The following KIF3B variants were observed in gnomAD, a reference collection of about 807,000 sequenced individuals.
KIF3B encodes the protein kinesin-like protein KIF3B.
Under a neutral mutation model 74.3 loss-of-function variants are expected in KIF3B, and 38 were observed. That is an observed-to-expected ratio of 0.51 (90% confidence interval 0.39 to 0.67). KIF3B has a LOEUF of 0.67. Ranked by LOEUF, KIF3B falls within the 30% of genes least tolerant of loss-of-function variation. The probability of loss-of-function intolerance (pLI) is 0.00; values close to 1 mark genes in which losing one functional copy is unlikely to be tolerated. For synonymous variants in KIF3B, 326 were observed against 342.5 expected (o/e 0.95, Z 0.53); for missense variants, 649 against 932.0 (o/e 0.70, Z 3.95).
chr20:32,294,774 A>G (rs138667384), intron 1 of KIF3B, among the ~76,000 whole-genome samples: 106 of 152,316 alleles, frequency 7.0e-4, no homozygotes, highest in African/African-American at 2.6e-3. Flanking sequence ...GCTTTTAACA[A>G]TGTCTTTACT....
chr20:32,284,147 C>T, intron 1 of KIF3B, among the ~76,000 whole-genome samples: 1 of 151,956 alleles, frequency 6.6e-6, no homozygotes, highest in Non-Finnish European at 1.5e-5. Context: ...TGCTATGTTA[C>T]AGGCTAGTCT....
At chr20:32,300,304 GTCTC>G (rs1464234872) in intron 1 of KIF3B, among the ~76,000 whole-genome samples, 2 of 151,726 alleles carry the variant, frequency 1.3e-5, no homozygotes, top group Non-Finnish European at 2.9e-5. Flanking sequence ...TTGAGACAGA[GTCTC>G]TCTCTGTCGC....
Position 32,322,664 on chromosome 20 carries a change from A to ATATATT in KIF3B, c.1749-4102_1749-4101insTTATAT, listed in dbSNP as rs2047868102. Among the ~76,000 whole-genome samples the ATATATT allele has an allele frequency of 3.4e-5, 2 of 58,096 alleles. 1 individual carries two copies. Among genetic ancestry groups the ATATATT allele is most frequent in the East Asian group, 7.0e-3 (2 of 284 alleles). The allele number at this position is 58,096 out of a possible 152,430, so 38.1% of individuals were successfully genotyped here. A position where few individuals can be genotyped will look rare whatever the true frequency, so the allele number is the denominator to read the frequency against. Reference sequence around the variant, plus strand: ...TATATATATATTTTTATATATTTATATATATATTTATATATTTATATATAT... The same window carrying ATATATT: ...TATATATATATTTTTATATATTTATATATATTTATATATTTATATATTTATATATAT... On this transcript the variant is annotated intron_variant, in intron 5 of 8. Transcript: ENST00000375712.
At chr20:32,319,072 C>G (rs1227579962) in intron 5 of KIF3B, among the ~76,000 whole-genome samples, 1 of 151,690 alleles carries the variant, frequency 6.6e-6, no homozygotes, top group Non-Finnish European at 1.5e-5. Context: ...GCGATCCTCC[C>G]ACCTCAACCT....
chr20:32,279,498 T>A (rs1473826130), intron 1 of KIF3B, among the ~76,000 whole-genome samples: 7 of 150,058 alleles, frequency 4.7e-5, no homozygotes, highest in African/African-American at 1.7e-4. Flanking sequence ...GGAGTTTTGC[T>A]GTTGTTGCCC....
chr20:32,291,401 T>G (rs2122662283), intron 1 of KIF3B, among the ~76,000 whole-genome samples: 1 of 152,228 alleles, frequency 6.6e-6, no homozygotes. Flanking sequence ...CTCCAGCAGT[T>G]CTCAGCACTT....
In KIF3B at chr20:32,331,468, T is replaced by C. The variant is rs1183302121; in HGVS notation, c.*149T>C. On this transcript the variant is annotated 3_prime_UTR_variant, in exon 9 of 9. Transcript: ENST00000375712. ...TCTTTGCAGATCAACCAACTTAATC[T>C]GGTTGAACGTGCTGTTCCTAATCTG... is the stretch of plus-strand genomic sequence containing the variant. 4.9e-6 allele frequency: 3 copies of C among 607,676 alleles called. No individual in the cohort carries two copies. The African/African-American group carries it at 5.6e-5, about 11-fold the overall frequency. 37.6% of individuals were successfully genotyped at this position (607,676 alleles called of 1,614,324 possible).
At chr20:32,330,464 T>A in intron 8 of KIF3B, 145 bp downstream of exon 8, 2 of 717,848 alleles carry the variant, frequency 2.8e-6, no homozygotes, top group Non-Finnish European at 4.5e-6. Context: ...TTATTTATTC[T>A]ACAAATATTT....
chr20:32,294,648 T>G (rs1270561684), intron 1 of KIF3B, among the ~76,000 whole-genome samples: 1 of 152,240 alleles, frequency 6.6e-6, no homozygotes, highest in Non-Finnish European at 1.5e-5. Flanking sequence ...AGGGAGATAT[T>G]GCTATTAACC....
chr20:32,299,401 ATATTTTTTT>A (rs1359088785), intron 1 of KIF3B, among the ~76,000 whole-genome samples: 2 of 28,908 alleles, frequency 6.9e-5, no homozygotes, highest in African/African-American at 2.8e-4. Flanking sequence ...ATATATATAT[ATATTTTTTT>A]TTTTTTTTTT....
At chr20:32,302,987 GA>G (rs1468267544) in intron 1 of KIF3B, among the ~76,000 whole-genome samples, 1 of 152,126 alleles carries the variant, frequency 6.6e-6, no homozygotes, top group African/African-American at 2.4e-5. Flanking sequence ...AACATTATGA[GA>G]TTTTTTTTGC....
chr20:32,328,847 C>T (rs1347491390), intron 7 of KIF3B, among the ~76,000 whole-genome samples: 1 of 151,822 alleles, frequency 6.6e-6, no homozygotes, highest in African/African-American at 2.4e-5. Context: ...ATTTAATGAC[C>T]CCAAAATAGA....
At chr20:32,297,274 C>T (rs948040000) in intron 1 of KIF3B, among the ~76,000 whole-genome samples, 26 of 152,230 alleles carry the variant, frequency 1.7e-4, no homozygotes, top group African/African-American at 6.3e-4. Context: ...CGTTAGTATG[C>T]ACTCTGTGTG....
At position 32,316,767 on chromosome 20, in the gene KIF3B, G is replaced by A; in HGVS notation, c.1641G>A (p.Lys547=). The change falls in exon 5 of 9, where the codon AAG becomes AAA. Residue 547 remains lysine (K), a synonymous_variant. Transcript: ENST00000375712. Reference sequence around the variant, plus strand: ...TCCCCTCATTCCAGCTCTTCTCCAAGCTTCAGGCAGTGAAGGCTGAGATCC... The same window carrying A: ...TCCCCTCATTCCAGCTCTTCTCCAAACTTCAGGCAGTGAAGGCTGAGATCC... The part of the protein sequence containing the change: ...KTKKLKKLFS[K]LQAVKAEIHD... The A allele has an allele frequency of 1.2e-6, 2 of 1,614,060 alleles. No homozygotes were observed. The highest frequency in any genetic ancestry group is 1.7e-6 in the Non-Finnish European group (2 of 1,179,964).
At chr20:32,328,293 A>G (rs1393172327) in intron 7 of KIF3B, among the ~76,000 whole-genome samples, 1 of 151,196 alleles carries the variant, frequency 6.6e-6, no homozygotes, top group Non-Finnish European at 1.5e-5. Context: ...GTATGGTGGC[A>G]GGCACCTGTA....
chr20:32,283,371 G>T (rs547333378), intron 1 of KIF3B, among the ~76,000 whole-genome samples: 1 of 152,204 alleles, frequency 6.6e-6, no homozygotes, highest in East Asian at 1.9e-4. Flanking sequence ...GGGCGTGGTG[G>T]TGCGCACCTG....
Position 32,301,189 on chromosome 20 carries a change from G to A in KIF3B, c.-65-8524G>A, listed in dbSNP as rs566974004. Among the ~76,000 whole-genome samples the A allele has an allele frequency of 3.5e-5, 5 of 142,706 alleles. No homozygotes were observed. In the East Asian group the frequency reaches 9.4e-4, roughly 27 times the overall value. The allele number at this position is 142,706 out of a possible 152,430, so 93.6% of individuals were successfully genotyped here. ...TGCAGCCTCCACCTCCTGGATTCAA[G>A]CAATTCTCCCGCCTCAGCCTCCCAA... is the stretch of plus-strand genomic sequence containing the variant. On this transcript the variant is annotated intron_variant, in intron 1 of 8. Coordinates refer to ENST00000375712, the MANE Select transcript of KIF3B (RefSeq NM_004798.4).
At chr20:32,289,452 A>G (rs1185201893) in intron 1 of KIF3B, among the ~76,000 whole-genome samples, 1 of 152,154 alleles carries the variant, frequency 6.6e-6, no homozygotes, top group African/African-American at 2.4e-5. Flanking sequence ...TTGGCCTCCC[A>G]AAGGGCTGGG....
chr20:32,311,058 C>T lies in KIF3B; in HGVS notation c.1281C>T (p.Ala427=). 7 of 1,613,564 alleles carry T rather than the reference C, an allele frequency of 4.3e-6. No individual in the cohort carries two copies. The highest frequency in any genetic ancestry group is 5.1e-6 in the Non-Finnish European group (6 of 1,179,870). The part of the protein sequence containing the change: ...QQEKLEIEKR[A]IVEDHSLVAE... ...AAAAACTGGAGATTGAGAAGCGGGC[C>T]ATTGTAGAGGATCACAGCTTGGTTG... Residue 427 remains alanine (A), a synonymous_variant, in exon 2 of 9, where the codon GCC becomes GCT. Transcript: ENST00000375712.
Sources: gnomAD v4.1 joint callset for allele counts (sites outside exome capture counted in the v4.1 genomes callset) on GRCh38, gnomAD v4.1.1 for gene constraint, MANE v1.5 for transcripts, NCBI Gene and HGNC (gene_info 2026-07-23, HGNC 2026-07-21) for gene names.